The following CDH13 variants were observed in gnomAD, a reference collection of about 807,000 sequenced individuals.
CDH13 encodes cadherin 13, also known as cadherin-13.
A neutral mutation model predicts 63.8 loss-of-function variants in CDH13; 24 were observed. The ratio of observed to expected loss-of-function variants is 0.38; its 90% CI spans 0.27 to 0.53. The LOEUF (loss-of-function observed/expected upper bound fraction) is 0.53. Ranked by LOEUF, CDH13 falls within the 20% of genes least tolerant of loss-of-function variation. CDH13 has a pLI of 0.85. For synonymous variants in CDH13, 503 were observed against 355.3 expected (o/e 1.42, Z -4.67); for missense variants, 1,049 against 903.1 (o/e 1.16, Z -2.07).
intron 5 of CDH13, among the ~76,000 whole-genome samples, chr16:83,278,807 A>T (rs1567559534): frequency 6.6e-6 from 1 of 152,202 alleles, no homozygotes; most frequent in Non-Finnish European, 1.5e-5. Context: ...ATTCATAGCA[A>T]GAAATGAGGC....
At chr16:83,548,465 G>T (rs141437946) in intron 7 of CDH13, among the ~76,000 whole-genome samples, 2 of 152,172 alleles carry the variant, frequency 1.3e-5, no homozygotes, top group African/African-American at 4.8e-5. Context: ...TGTCCGTAGC[G>T]CAGTGGTTGA....
chr16:83,354,519 A>G (rs901622078), intron 6 of CDH13, among the ~76,000 whole-genome samples: 1 of 152,352 alleles, frequency 6.6e-6, no homozygotes, highest in East Asian at 1.9e-4. Context: ...AGGTGCCAAC[A>G]GAAATGGATA....
At chr16:83,053,599 G>T (rs2030615239) in intron 3 of CDH13, among the ~76,000 whole-genome samples, 1 of 151,788 alleles carries the variant, frequency 6.6e-6, no homozygotes, top group South Asian at 2.1e-4. Flanking sequence ...TGAATGGAAG[G>T]GTACAGAAAA....
intron 6 of CDH13, among the ~76,000 whole-genome samples, chr16:83,439,505 A>T (rs1004260209): frequency 1.3e-5 from 2 of 152,224 alleles, no homozygotes; most frequent in African/African-American, 4.8e-5. Flanking sequence ...ATTGGTTGCT[A>T]TTCGGAAGCA....
chr16:82,906,224 C>T (rs2041642978), intron 2 of CDH13, among the ~76,000 whole-genome samples: 1 of 152,110 alleles, frequency 6.6e-6, no homozygotes, highest in Non-Finnish European at 1.5e-5. Flanking sequence ...TTCAGATGTT[C>T]AGGAGCCCTT....
At chr16:83,081,165 G>C (rs150831603) in intron 3 of CDH13, among the ~76,000 whole-genome samples, 1 of 152,194 alleles carries the variant, frequency 6.6e-6, no homozygotes, top group African/African-American at 2.4e-5. Flanking sequence ...ATAAGCATGA[G>C]CCACCGCACC....
intron 8 of CDH13, among the ~76,000 whole-genome samples, chr16:83,649,494 T>G (rs1324957630): frequency 1.3e-5 from 2 of 152,154 alleles, no homozygotes; most frequent in African/African-American, 4.8e-5. Context: ...GTGGTTGTTT[T>G]CTAATTGGAG....
At chr16:83,347,450 T>C (rs2090863870) in intron 6 of CDH13, among the ~76,000 whole-genome samples, 1 of 152,162 alleles carries the variant, frequency 6.6e-6, no homozygotes, top group Non-Finnish European at 1.5e-5. Flanking sequence ...TGGGAGTCAG[T>C]GCATAACCTG....
intron 6 of CDH13, among the ~76,000 whole-genome samples, chr16:83,355,943 C>G (rs899563674): frequency 6.6e-6 from 1 of 152,164 alleles, no homozygotes; most frequent in Admixed American, 6.5e-5. Flanking sequence ...TTAAAGCAGT[C>G]CTTACAAACG....
intron 5 of CDH13, among the ~76,000 whole-genome samples, chr16:83,242,111 C>T (rs1486339619): frequency 6.6e-6 from 1 of 152,148 alleles, no homozygotes; most frequent in Non-Finnish European, 1.5e-5. Context: ...GTAGTCCTGG[C>T]ACCTTTGTCA....
intron 10 of CDH13, among the ~76,000 whole-genome samples, chr16:83,746,244 G>C (rs577986695): frequency 2.2e-4 from 34 of 152,308 alleles, no homozygotes; most frequent in Admixed American, 7.8e-4. Flanking sequence ...GTCTAGGGGA[G>C]GGTCCTTCCT....
chr16:82,968,761 G>C (rs1460312974), intron 2 of CDH13, among the ~76,000 whole-genome samples: 2 of 152,094 alleles, frequency 1.3e-5, no homozygotes, highest in Admixed American at 1.3e-4. Flanking sequence ...AACTATTTTT[G>C]ACACTCCGTT....
intron 1 of CDH13, among the ~76,000 whole-genome samples, chr16:82,738,168 A>G (rs950148953): frequency 2.6e-5 from 4 of 152,178 alleles, no homozygotes; most frequent in Non-Finnish European, 4.4e-5. Context: ...TCTGCTCTCA[A>G]AGAGTTTCTT....
At chr16:83,156,302 A>G (rs1243614944) in intron 4 of CDH13, among the ~76,000 whole-genome samples, 1 of 152,222 alleles carries the variant, frequency 6.6e-6, no homozygotes. Flanking sequence ...CATGCGTATT[A>G]ATGGATTCTA....
At chr16:83,621,083 C>G (rs1181690852) in intron 8 of CDH13, among the ~76,000 whole-genome samples, 1 of 152,124 alleles carries the variant, frequency 6.6e-6, no homozygotes, top group Non-Finnish European at 1.5e-5. Flanking sequence ...ATCGTAATAC[C>G]CCTTTCGTGG....
chr16:83,762,752 C>G (rs1450505258), intron 11 of CDH13, among the ~76,000 whole-genome samples: 1 of 152,150 alleles, frequency 6.6e-6, no homozygotes, highest in Admixed American at 6.6e-5. Context: ...TTACTGGTAA[C>G]CTAATCTTTC....
chr16:82,900,630 A>G lies in CDH13; in HGVS notation c.157+42157A>G, dbSNP rs193263036. ...TAACCAGCAGAGAGGAAGTGATTGA[A>G]GATGAGAGAGAGAAACAGAGTAATT... On this transcript the variant is annotated intron_variant, in intron 2 of 13. Transcript: ENST00000567109. Among the ~76,000 whole-genome samples, 835 of 152,334 alleles carry G rather than the reference A, an allele frequency of 5.5e-3. 33 individuals are homozygous for G. Among genetic ancestry groups the G allele is most frequent in the Admixed American group, 0.051 (785 of 15,302 alleles).
chr16:83,618,944 C>T (rs528652288), intron 8 of CDH13, among the ~76,000 whole-genome samples: 3 of 152,126 alleles, frequency 2.0e-5, no homozygotes, highest in Admixed American at 1.3e-4. Flanking sequence ...TTGCAAACTA[C>T]TATCTATTTC....
At chr16:83,409,450 T>C (rs117135443) in intron 6 of CDH13, among the ~76,000 whole-genome samples, 4,266 of 152,208 alleles carry the variant, frequency 0.028, 84 homozygotes, top group African/African-American at 0.054. Context: ...ATGACTAGGG[T>C]ATCAGCAGAG....
Sources: allele counts gnomAD v4.1 joint callset (sites outside exome capture counted in the v4.1 genomes callset), GRCh38; gene constraint gnomAD v4.1.1; transcripts MANE v1.5; gene names NCBI Gene and HGNC (gene_info 2026-07-23, HGNC 2026-07-21).